The following MYPOP variants were observed in gnomAD, a reference collection of about 807,000 sequenced individuals.
MYPOP encodes Myb related transcription factor, partner of profilin, also known as myb-related transcription factor, partner of profilin.
In MYPOP, 21 loss-of-function variants were observed where a neutral mutation model predicts 25.7. The ratio of observed to expected loss-of-function variants is 0.82; its 90% CI spans 0.58 to 1.18. The LOEUF (loss-of-function observed/expected upper bound fraction) is 1.18, where lower values mean the gene tolerates loss of function less well. Ranked by LOEUF, MYPOP falls within the 50% of genes most tolerant of loss-of-function variation. MYPOP has a pLI of 0.00. For synonymous variants in MYPOP, 280 were observed against 247.9 expected (o/e 1.13, Z -1.22); for missense variants, 566 against 588.3 (o/e 0.96, Z 0.39).
At chr19:45,897,549 G>A (rs1324666209) in intron 2 of MYPOP, among the ~76,000 whole-genome samples, 1 of 152,150 alleles carries the variant, frequency 6.6e-6, no homozygotes, top group Non-Finnish European at 1.5e-5. Context: ...CAGTGCCCCT[G>A]CAAGAGTTTG....
intron 2 of MYPOP, among the ~76,000 whole-genome samples, chr19:45,899,385 C>T (rs1189431722): frequency 6.6e-6 from 1 of 152,138 alleles, no homozygotes; most frequent in Non-Finnish European, 1.5e-5. Flanking sequence ...GAAGTGGTAA[C>T]AAGTTTCTGA....
Position 45,901,837 on chromosome 19 carries a change from G to C in MYPOP, c.-52-12C>G. 1 of 1,278,508 alleles carries C rather than the reference G, an allele frequency of 7.8e-7. No individual in the cohort carries two copies. Among genetic ancestry groups the C allele is most frequent in the Non-Finnish European group, 1.0e-6 (1 of 999,564 alleles). The allele number at this position is 1,278,508 out of a possible 1,614,324, so 79.2% of individuals were successfully genotyped here. On this transcript the variant is annotated splice_polypyrimidine_tract_variant and intron_variant, in intron 1 of 2. Coordinates refer to ENST00000322217, the MANE Select transcript of MYPOP (RefSeq NM_001012643.4). The surrounding 1 kb of genome is among the most constrained non-coding windows in gnomAD (Gnocchi z 5.7). ...GGGGGGCGCCGGCGCTGCGGGCAAA[G>C]GGCGCACGGGGCTGGCTGGGGTTCG... is the stretch of plus-strand genomic sequence containing the variant.
Position 45,901,100 on chromosome 19 carries a change from G to A in MYPOP, c.499+175C>T, listed in dbSNP as rs1270894295. Among the ~76,000 whole-genome samples, 1 of 152,226 alleles carries A rather than the reference G, an allele frequency of 6.6e-6. No individual in the cohort carries two copies. Among genetic ancestry groups the A allele is most frequent in the African/African-American group, 2.4e-5 (1 of 41,458 alleles). ...CTGGTTCCATTCCTGGCTCTTGACA[G>A]TTACTAGCTATCGGAACTGAGGCAA... On this transcript the variant is annotated intron_variant, in intron 2 of 2. Transcript: ENST00000322217. This position sits in a 1 kb window ranked among gnomAD's most constrained non-coding sequence, Gnocchi z 5.7.
chr19:45,896,695 G>A (rs1264230270), intron 2 of MYPOP, among the ~76,000 whole-genome samples: 3 of 149,502 alleles, frequency 2.0e-5, no homozygotes, highest in African/African-American at 7.4e-5. Context: ...GCGCAATCTC[G>A]GCTCACTGCA....
chr19:45,894,793 A>G (rs1406533769), intron 2 of MYPOP, among the ~76,000 whole-genome samples: 1 of 148,736 alleles, frequency 6.7e-6, no homozygotes, highest in African/African-American at 2.5e-5. Flanking sequence ...ATCTCGGCTC[A>G]CTGCAACCTC....
chr19:45,898,743 C>T (rs753078263), intron 2 of MYPOP, among the ~76,000 whole-genome samples: 1 of 152,128 alleles, frequency 6.6e-6, no homozygotes, highest in Non-Finnish European at 1.5e-5. Context: ...GTCAGGCCTA[C>T]TCTATTCCCA....
At chr19:45,899,871 A>C (rs1245369458) in intron 2 of MYPOP, among the ~76,000 whole-genome samples, 1 of 152,126 alleles carries the variant, frequency 6.6e-6, no homozygotes, top group Non-Finnish European at 1.5e-5. Flanking sequence ...AAAAATAGTA[A>C]GTCCAAATTC....
At chr19:45,895,319 C>A (rs541311030) in intron 2 of MYPOP, among the ~76,000 whole-genome samples, 31 of 152,144 alleles carry the variant, frequency 2.0e-4, no homozygotes, top group Non-Finnish European at 4.1e-4. Context: ...AATCTCGGCT[C>A]ACTACAACCT....
chr19:45,897,403 G>A (rs1304570152), intron 2 of MYPOP, among the ~76,000 whole-genome samples: 4 of 152,038 alleles, frequency 2.6e-5, no homozygotes, highest in African/African-American at 9.7e-5. Flanking sequence ...AAGGGCTGTG[G>A]GCCTGGGGTG....
At chr19:45,896,688 C>CA (rs1967210093) in intron 2 of MYPOP, among the ~76,000 whole-genome samples, 1 of 150,354 alleles carries the variant, frequency 6.7e-6, no homozygotes, top group African/African-American at 2.4e-5. Context: ...TGCAGTGGCG[C>CA]AATCTCGGCT....
Position 45,890,822 on chromosome 19 carries a change from G to A in MYPOP, c.1001C>T (p.Thr334Ile), listed in dbSNP as rs1489593548. Residue 334 changes from threonine to isoleucine, a missense_variant, in exon 3 of 3, where the codon ACC (threonine) becomes ATC (isoleucine). Coordinates refer to ENST00000322217, the MANE Select transcript of MYPOP (RefSeq NM_001012643.4). ...AGCCACCACGGACACGGGCTCTGGG[G>A]TGATCTCCACCTTGGGGGCCGGTGG... is the stretch of plus-strand genomic sequence containing the variant. ...LPPPAPKVEI[T>I]PEPVSVVAAV... is the part of the protein sequence containing the mutation. The A allele has an allele frequency of 6.9e-7, 1 of 1,439,094 alleles. No homozygotes were observed. The highest frequency in any genetic ancestry group is 9.2e-7 in the Non-Finnish European group (1 of 1,091,502). 89.1% of individuals were successfully genotyped at this position (1,439,094 alleles called of 1,614,324 possible). A position where few individuals can be genotyped will look rare whatever the true frequency, so the allele number is the denominator to read the frequency against.
Position 45,891,131 on chromosome 19 carries a change from G to T in MYPOP, c.692C>A (p.Pro231Gln), listed in dbSNP as rs756813052. The T allele has an allele frequency of 6.8e-7, 1 of 1,481,220 alleles. No homozygotes were observed. Among genetic ancestry groups the T allele is most frequent in the East Asian group, 2.5e-5 (1 of 39,950 alleles). The allele number at this position is 1,481,220 out of a possible 1,614,324, so 91.8% of individuals were successfully genotyped here. A position where few individuals can be genotyped will look rare whatever the true frequency, so the allele number is the denominator to read the frequency against. Residue 231 changes from proline (P) to glutamine (Q), a missense_variant, in exon 3 of 3, where the codon CCG (proline) becomes CAG (glutamine). Transcript: ENST00000322217. ...PPPAPPLPPP[P>Q]PLAQVAPSPP... ...TGAGGGTGCCACTTGGGCCAGTGGC[G>T]GTGGGGGTGGCAGTGGAGGGGCTGG... is the stretch of plus-strand genomic sequence containing the variant.
intron 2 of MYPOP, among the ~76,000 whole-genome samples, chr19:45,892,719 C>T (rs1967143308): frequency 6.6e-6 from 1 of 152,108 alleles, no homozygotes; most frequent in Non-Finnish European, 1.5e-5. Flanking sequence ...CAGAAGCTAT[C>T]GTCTCTGCCT....
At chr19:45,898,513 G>T (rs1369487782) in intron 2 of MYPOP, among the ~76,000 whole-genome samples, 1 of 151,896 alleles carries the variant, frequency 6.6e-6, no homozygotes, top group Non-Finnish European at 1.5e-5. Flanking sequence ...AGTAGAGACG[G>T]GGTTTCTCCA....
chr19:45,899,966 G>A (rs1318290579), intron 2 of MYPOP, among the ~76,000 whole-genome samples: 1 of 152,188 alleles, frequency 6.6e-6, no homozygotes, highest in Admixed American at 6.6e-5. Context: ...TTATTGCTGG[G>A]CAATCTTGCT....
chr19:45,894,894 T>G (rs936249126), intron 2 of MYPOP, among the ~76,000 whole-genome samples: 2 of 151,774 alleles, frequency 1.3e-5, no homozygotes, highest in African/African-American at 2.4e-5. Flanking sequence ...AATTTTTGTA[T>G]TTTTAGTAGA....
intron 2 of MYPOP, among the ~76,000 whole-genome samples, chr19:45,899,716 T>C (rs1366984060): frequency 1.3e-5 from 2 of 152,158 alleles, no homozygotes; most frequent in Non-Finnish European, 2.9e-5. Flanking sequence ...GGCAGGCACC[T>C]GTAATCCCAG....
chr19:45,896,019 C>T (rs1316649753), intron 2 of MYPOP, among the ~76,000 whole-genome samples: 1 of 152,046 alleles, frequency 6.6e-6, no homozygotes, highest in Admixed American at 6.6e-5. Flanking sequence ...AGGCCGGGTG[C>T]GGTGGCTCAG....
At chr19:45,893,568 CAA>C (rs35882237) in intron 2 of MYPOP, among the ~76,000 whole-genome samples, 16,363 of 82,530 alleles carry the variant, frequency 0.2, 1,148 homozygotes, top group African/African-American at 0.33. Context: ...AACTCCGTCT[CAA>C]AAAAAAAAAA....
Sources: gnomAD v4.1 joint callset for allele counts (sites outside exome capture counted in the v4.1 genomes callset) on GRCh38, gnomAD v4.1.1 for gene constraint, Gnocchi (gnomAD v3.1) non-coding constraint, MANE v1.5 for transcripts, NCBI Gene and HGNC (gene_info 2026-07-23, HGNC 2026-07-21) for gene names.